The following PBXIP1 variants were observed in gnomAD, a reference collection of about 807,000 sequenced individuals.
The protein encoded by PBXIP1 is PBX homeobox interacting protein 1.
A neutral mutation model predicts 73.7 loss-of-function variants in PBXIP1; 73 were observed. That is an observed-to-expected ratio of 0.99 (90% CI 0.82 to 1.20). PBXIP1 has a LOEUF of 1.20. Among genes scored for constraint, PBXIP1 ranks in the 50% most tolerant of loss-of-function variants. The pLI is 0.00. For missense variants in PBXIP1, 818 were observed against 911.4 expected, an observed-to-expected ratio of 0.90 and a Z score of 1.32; for synonymous variants, 330 against 366.9, an observed-to-expected ratio of 0.90 and a Z score of 1.15.
chr1:154,955,287 A>C (rs1167499837), intron 1 of PBXIP1, among the ~76,000 whole-genome samples: 1 of 152,062 alleles, frequency 6.6e-6, no homozygotes, highest in African/African-American at 2.4e-5. Flanking sequence ...AGGTGGTGGC[A>C]GGAAGGAAGT....
Position 154,951,574 on chromosome 1 carries a change from C to T in PBXIP1, c.179-39G>A. On this transcript the variant is annotated intron_variant, in intron 3 of 10. Transcript: ENST00000368463. This position sits in a 1 kb window ranked among gnomAD's most constrained non-coding sequence, Gnocchi z 4.3. ...AAAGGCGCAGAAAAACCCACTGCCC[C>T]AGCTGAATTTCCTTTGCAGCCCTCT... 6.3e-7 allele frequency: 1 copy of T among 1,596,236 alleles called. No homozygotes were observed. The highest frequency in any genetic ancestry group is 8.6e-7 in the Non-Finnish European group (1 of 1,164,288).
In PBXIP1 at chr1:154,947,482, C is replaced by A. The variant is rs1375103634; in HGVS notation, c.805G>T (p.Gly269Cys). Residue 269 changes from glycine (G) to cysteine (C), a missense_variant, in exon 9 of 11, where the codon GGT becomes TGT. By Grantham distance (159) the Gly-to-Cys change is radical. Transcript: ENST00000368463. ...TTGGCCAGCTTGTCCAGCAGAAGAC[C>A]CATGTTTTGCAGGCTGGGGACACTG... The part of the protein sequence containing the change: ...PDSVPSLQNM[G>C]LLLDKLAKEN... 2 of 1,613,434 alleles carry A rather than the reference C, an allele frequency of 1.2e-6. No individual in the cohort carries two copies. Among genetic ancestry groups the A allele is most frequent in the Admixed American group, 3.3e-5 (2 of 59,938 alleles).
intron 1 of PBXIP1, among the ~76,000 whole-genome samples, chr1:154,954,659 C>T (rs1256948233): frequency 6.6e-6 from 1 of 152,190 alleles, no homozygotes; most frequent in Non-Finnish European, 1.5e-5. Flanking sequence ...GTCCTGCACC[C>T]GGTTAATCTG....
rs748547085 is a variant in PBXIP1 at position 154,947,545 on chromosome 1, C to T, written c.742G>A (p.Gly248Arg). 2 of 1,603,916 alleles carry T rather than the reference C, an allele frequency of 1.2e-6. No homozygotes were observed. The highest frequency in any genetic ancestry group is 2.2e-5 in the South Asian group (2 of 89,986). ...VLEAVGDRQD[G>R]LREQLQAPVP... is the part of the protein sequence containing the mutation. ...GGGGCCTGCAGCTGTTCCCTTAGCCCATCCTGAGGGCAGAAGAGCCTGTTA... is the reference window on the plus strand; with the variant it reads ...GGGGCCTGCAGCTGTTCCCTTAGCCTATCCTGAGGGCAGAAGAGCCTGTTA... The change falls in exon 9 of 11, where the codon GGG becomes AGG. Residue 248 changes from glycine (G) to arginine (R), a missense_variant. Physicochemically the swap from Gly to Arg is moderately radical, Grantham distance 125 (BLOSUM62 -2). Coordinates refer to ENST00000368463, the MANE Select transcript of PBXIP1 (RefSeq NM_020524.4).
In PBXIP1 at chr1:154,948,275, G is replaced by A. The variant is rs757319363; in HGVS notation, c.501C>T (p.Ala167=). 99 of 1,610,334 alleles carry A rather than the reference G, an allele frequency of 6.1e-5. 1 individual carries two copies. Among genetic ancestry groups the A allele is most frequent in the Non-Finnish European group, 7.4e-5 (87 of 1,178,738 alleles). Residue 167 remains alanine (A), a synonymous_variant, in exon 6 of 11, where the codon GCC becomes GCT. Transcript: ENST00000368463. Reference sequence around the variant, plus strand: ...GGGGCACCATGGGCTGAGGTGGGCCGGCCTCCCGGCCCCGCCGTCTCCGCA... The same window carrying A: ...GGGGCACCATGGGCTGAGGTGGGCCAGCCTCCCGGCCCCGCCGTCTCCGCA... ...EGLRRRRGRE[A]GPPQPMVPLA...
chr1:154,948,982 A>G (rs1654923645), intron 5 of PBXIP1, among the ~76,000 whole-genome samples: 1 of 151,994 alleles, frequency 6.6e-6, no homozygotes, highest in Non-Finnish European at 1.5e-5. Flanking sequence ...TCCCCAATTC[A>G]GGGGAAGGCA....
At chr1:154,955,759 T>C (rs1026906652) in intron 1 of PBXIP1, among the ~76,000 whole-genome samples, 1 of 152,170 alleles carries the variant, frequency 6.6e-6, no homozygotes, top group Non-Finnish European at 1.5e-5. Context: ...GACAGAGACT[T>C]CTGCTATTTC....
rs758383049 is a variant in PBXIP1 at position 154,945,694 on chromosome 1, C to T, written c.1980G>A (p.Val660=). ...CCTCCAAGCTGTCCTCCAGGGCATCCACAAAATCCCGGAAGCGGAGGCGGT... is the reference window on the plus strand; with the variant it reads ...CCTCCAAGCTGTCCTCCAGGGCATCTACAAAATCCCGGAAGCGGAGGCGGT... ...RHDRLRFRDF[V]DALEDSLEEV... The change falls in exon 10 of 11, where the codon GTG becomes GTA. Residue 660 remains valine (V), a synonymous_variant. Transcript: ENST00000368463. The T allele has an allele frequency of 1.1e-5, 18 of 1,614,108 alleles. No individual in the cohort carries two copies. Among genetic ancestry groups the T allele is most frequent in the Non-Finnish European group, 1.5e-5 (18 of 1,180,058 alleles).
In PBXIP1 at chr1:154,951,523, T is replaced by C. The variant is rs761597606; in HGVS notation, c.191A>G (p.Gln64Arg). 2.5e-6 allele frequency: 4 copies of C among 1,613,914 alleles called. No individual in the cohort carries two copies. In the South Asian group the frequency reaches 4.4e-5, roughly 18 times the overall value. Residue 64 changes from glutamine to arginine, a missense_variant, in exon 4 of 11, where the codon CAG (glutamine) becomes CGG (arginine). Transcript: ENST00000368463. The surrounding 1 kb of genome is among the most constrained non-coding windows in gnomAD (Gnocchi z 4.3). ...GTMDGEGTLF[Q>R]TESPQSGSIL... ...GCTGCCAGACTGAGGGCTTTCAGTC[T>C]GGAAGAGCGTCCCTGCGGTAGGAGA...
Position 154,951,286 on chromosome 1 carries a change from G to A in PBXIP1, c.355C>T (p.Gln119Ter), listed in dbSNP as rs754865058. Residue 119 changes from glutamine to a stop codon, truncating the protein, a stop_gained, in exon 5 of 11, where the codon CAG becomes TAG. Coordinates refer to ENST00000368463, the MANE Select transcript of PBXIP1 (RefSeq NM_020524.4). LOFTEE classifies it high-confidence loss of function. This position sits in a 1 kb window ranked among gnomAD's most constrained non-coding sequence, Gnocchi z 4.3. ...GGAGGGCTCTGGCCTTCCAGGTCCTGTGTGTCTGGTCCCAGGCCTGTCACC... is the reference window on the plus strand; with the variant it reads ...GGAGGGCTCTGGCCTTCCAGGTCCTATGTGTCTGGTCCCAGGCCTGTCACC... The part of the protein sequence containing the change: ...TVVTGLGPDT[Q>*]DLEGQSPPQS... The A allele has an allele frequency of 1.9e-6, 3 of 1,614,164 alleles. No individual in the cohort carries two copies. Among genetic ancestry groups the A allele is most frequent in the South Asian group, 2.2e-5 (2 of 91,080 alleles).
At chr1:154,954,944 G>A in intron 1 of PBXIP1, 1 of 982,374 alleles carries the variant, frequency 1.0e-6, no homozygotes, top group Non-Finnish European at 1.2e-6. Flanking sequence ...GGGAGAGTAT[G>A]GCAGTTCTAC....
At chr1:154,952,045 C>T (rs562726395) in intron 2 of PBXIP1, 124 bp from the exon 3 acceptor site, 25 of 997,512 alleles carry the variant, frequency 2.5e-5, no homozygotes, top group Non-Finnish European at 3.0e-5. Context: ...ACCAAGTGCT[C>T]GGCATTCCCC....
intron 2 of PBXIP1, among the ~76,000 whole-genome samples, chr1:154,952,246 A>G (rs1228331688): frequency 6.6e-6 from 1 of 152,166 alleles, no homozygotes; most frequent in Non-Finnish European, 1.5e-5. Flanking sequence ...CCCAGATATT[A>G]TAATATTAAG....
At chr1:154,955,762 G>A (rs1180234272) in intron 1 of PBXIP1, among the ~76,000 whole-genome samples, 1 of 152,092 alleles carries the variant, frequency 6.6e-6, no homozygotes, top group Non-Finnish European at 1.5e-5. Context: ...AGAGACTTCT[G>A]CTATTTCTAA....
Position 154,946,318 on chromosome 1 carries a change from G to A in PBXIP1, c.1356C>T (p.Val452=). 1.9e-6 allele frequency: 3 copies of A among 1,614,156 alleles called. No individual in the cohort carries two copies. Among genetic ancestry groups the A allele is most frequent in the African/African-American group, 1.3e-5 (1 of 75,030 alleles). ...GCCAGGCCTTTGAGGCATTGGCAGA[G>A]ACCCCAGGGTCCTGGCCCCAGTTCT... The part of the protein sequence containing the change: ...GLENWGQDPG[V]SANASKAWHQ... The change falls in exon 10 of 11, where the codon GTC becomes GTT. Residue 452 remains valine (V), a synonymous_variant. Coordinates refer to ENST00000368463, the MANE Select transcript of PBXIP1 (RefSeq NM_020524.4).
chr1:154,947,163 C>G (rs539018619), intron 9 of PBXIP1: 2 of 610,436 alleles, frequency 3.3e-6, no homozygotes, highest in African/African-American at 3.7e-5. Context: ...GTGCTCCAGG[C>G]AGACCACACC....
Position 154,945,785 on chromosome 1 carries a change from C to A in PBXIP1, c.1889G>T (p.Gly630Val). The change falls in exon 10 of 11, where the codon GGG becomes GTG. Residue 630 changes from glycine (G) to valine (V), a missense_variant. Coordinates refer to ENST00000368463, the MANE Select transcript of PBXIP1 (RefSeq NM_020524.4). Reference protein sequence around the residue: ...RTYLARLPWAGQLTKELPLSP... With the variant: ...RTYLARLPWAVQLTKELPLSP... ...GAGGGGTAGCTCCTTGGTCAGCTGC[C>A]CAGCCCAGGGCAGCCGTGCCAAGTA... 2 of 1,614,184 alleles carry A rather than the reference C, an allele frequency of 1.2e-6. No individual in the cohort carries two copies. Among genetic ancestry groups the A allele is most frequent in the Non-Finnish European group, 1.7e-6 (2 of 1,180,022 alleles).
Position 154,951,152 on chromosome 1 carries a change from A to G in PBXIP1, c.409+80T>C. On this transcript the variant is annotated intron_variant, in intron 5 of 10. Transcript: ENST00000368463. The surrounding 1 kb of genome is among the most constrained non-coding windows in gnomAD (Gnocchi z 4.3). ...TCAGCCCTAGGGCCTGGACCACAGCATGTGCTCAGTAGTGATGGCTGATCC... is the reference window on the plus strand; with the variant it reads ...TCAGCCCTAGGGCCTGGACCACAGCGTGTGCTCAGTAGTGATGGCTGATCC... 1 of 1,316,208 alleles carries G rather than the reference A, an allele frequency of 7.6e-7. No homozygotes were observed. The highest frequency in any genetic ancestry group is 1.4e-5 in the African/African-American group (1 of 69,280). 81.5% of individuals were successfully genotyped at this position (1,316,208 alleles called of 1,614,324 possible).
Position 154,944,972 on chromosome 1 carries a change from G to A in PBXIP1, c.*52C>T, listed in dbSNP as rs1260468914. Reference sequence around the variant, plus strand: ...GTCCACCCTCCAGGAGTTAGATAACGCTGGGATCTTGGGCTGGGCCAGGCC... The same window carrying A: ...GTCCACCCTCCAGGAGTTAGATAACACTGGGATCTTGGGCTGGGCCAGGCC... On this transcript the variant is annotated 3_prime_UTR_variant, in exon 11 of 11. Transcript: ENST00000368463. 11 of 1,434,316 alleles carry A rather than the reference G, an allele frequency of 7.7e-6. No homozygotes were observed. The East Asian group carries it at 1.1e-4, about 15-fold the overall frequency. 88.8% of individuals were successfully genotyped at this position (1,434,316 alleles called of 1,614,324 possible). A position where few individuals can be genotyped will look rare whatever the true frequency, so the allele number is the denominator to read the frequency against.
Sources: allele counts gnomAD v4.1 joint callset (sites outside exome capture counted in the v4.1 genomes callset), GRCh38; gene constraint gnomAD v4.1.1; non-coding constraint Gnocchi (gnomAD v3.1); transcripts MANE v1.5; gene names NCBI Gene and HGNC (gene_info 2026-07-23, HGNC 2026-07-21).